Variants in CSMD1 observed in about 807,000 individuals in gnomAD.
CSMD1 encodes CUB and Sushi multiple domains 1, also known as CUB and sushi domain-containing protein 1.
Under a neutral mutation model 417.5 loss-of-function variants are expected in CSMD1, and 213 were observed. That is an observed-to-expected ratio of 0.51 (90% CI 0.46 to 0.57). The LOEUF (loss-of-function observed/expected upper bound fraction) is 0.57. Ranked by LOEUF, CSMD1 falls within the 20% of genes least tolerant of loss-of-function variation. CSMD1 has a pLI of 0.00. For synonymous variants in CSMD1, 2,862 were observed against 1,736.8 expected, an observed-to-expected ratio of 1.65 and a Z score of -16.11; for missense variants, 6,923 against 4,529.7, an observed-to-expected ratio of 1.53 and a Z score of -15.17.
intron 10 of CSMD1, among the ~76,000 whole-genome samples, chr8:3,538,040 C>T (rs142250838): frequency 4.6e-5 from 7 of 152,308 alleles, no homozygotes; most frequent in Non-Finnish European, 1.0e-4. Context: ...CCCTTTTATG[C>T]TAGATGTGCA....
intron 1 of CSMD1, among the ~76,000 whole-genome samples, chr8:4,856,500 T>C (rs1801808586): frequency 7.2e-6 from 1 of 139,478 alleles, no homozygotes; most frequent in South Asian, 2.2e-4. Context: ...CACCCATCAG[T>C]GTGCTGTATT....
intron 1 of CSMD1, among the ~76,000 whole-genome samples, chr8:4,919,872 C>T (rs1400620748): frequency 6.6e-6 from 1 of 152,094 alleles, no homozygotes; most frequent in Non-Finnish European, 1.5e-5. Context: ...GGAGAGCATT[C>T]CTTCCCTCCA....
chr8:3,272,079 C>T (rs1444122445), intron 26 of CSMD1, among the ~76,000 whole-genome samples: 1 of 148,682 alleles, frequency 6.7e-6, no homozygotes, highest in Non-Finnish European at 1.5e-5. Flanking sequence ...ATGTTTAAGT[C>T]TTTAATCCAT....
chr8:4,727,981 A>ATATATACAAAATATATATATGTATT (rs1809579204), intron 1 of CSMD1, among the ~76,000 whole-genome samples: 1 of 141,626 alleles, frequency 7.1e-6, no homozygotes, highest in Admixed American at 7.0e-5. Context: ...ATATATGTAT[A>ATATATACAAAATATATATATGTATT]TATATACAAA....
In CSMD1 at chr8:3,767,968, T is replaced by C. The variant is rs73498856; in HGVS notation, c.819-13926A>G. Reference sequence around the variant, plus strand: ...GTGAACATTACACGTCATGGGATGCTGAACTTTTAAATATTTCATATGTCT... The same window carrying C: ...GTGAACATTACACGTCATGGGATGCCGAACTTTTAAATATTTCATATGTCT... On this transcript the variant is annotated intron_variant, in intron 5 of 69. Transcript: ENST00000635120. Among the ~76,000 whole-genome samples the C allele has an allele frequency of 9.6e-3, 1,468 of 152,338 alleles. 25 individuals carry two copies. Among genetic ancestry groups the C allele is most frequent in the African/African-American group, 0.033 (1,375 of 41,568 alleles).
At chr8:4,372,962 G>T (rs902017565) in intron 3 of CSMD1, among the ~76,000 whole-genome samples, 2 of 152,200 alleles carry the variant, frequency 1.3e-5, no homozygotes, top group African/African-American at 2.4e-5. Context: ...GTGCAGTGTG[G>T]CAAGAGGAAA....
chr8:4,755,434 T>C (rs1483196127), intron 1 of CSMD1, among the ~76,000 whole-genome samples: 1 of 152,206 alleles, frequency 6.6e-6, no homozygotes, highest in African/African-American at 2.4e-5. Context: ...TTATTTACTA[T>C]CTTAATTTTT....
intron 12 of CSMD1, among the ~76,000 whole-genome samples, chr8:3,441,107 G>C (rs1814953891): frequency 6.6e-6 from 1 of 152,144 alleles, no homozygotes; most frequent in Non-Finnish European, 1.5e-5. Context: ...TATGAAGACA[G>C]AGGTAGGAGT....
intron 5 of CSMD1, among the ~76,000 whole-genome samples, chr8:3,987,496 T>G (rs1814422570): frequency 6.6e-6 from 1 of 152,198 alleles, no homozygotes; most frequent in Non-Finnish European, 1.5e-5. Context: ...TTTAATCTCC[T>G]TTTTAAAGTC....
At chr8:3,482,153 T>C (rs997390580) in intron 11 of CSMD1, among the ~76,000 whole-genome samples, 2 of 151,948 alleles carry the variant, frequency 1.3e-5, no homozygotes, top group African/African-American at 4.8e-5. Context: ...AAAGAAATAA[T>C]AAAATGCCAG....
At chr8:4,460,345 G>A (rs76037970) in intron 2 of CSMD1, among the ~76,000 whole-genome samples, 1 of 151,950 alleles carries the variant, frequency 6.6e-6, no homozygotes, top group Non-Finnish European at 1.5e-5. Context: ...ATTGCATAGA[G>A]GGAAATTTAG....
Position 4,261,918 on chromosome 8 carries a change from A to G in CSMD1, c.415+158035T>C, listed in dbSNP as rs11987316. On this transcript the variant is annotated intron_variant, in intron 3 of 69. Coordinates refer to ENST00000635120, the MANE Select transcript of CSMD1 (RefSeq NM_033225.6). ...TGTGGAACTTAATCCAAATATAAATAAATGCATGAATGATATGGCAATGTA... is the reference window on the plus strand; with the variant it reads ...TGTGGAACTTAATCCAAATATAAATGAATGCATGAATGATATGGCAATGTA... 9.7e-3 allele frequency among the ~76,000 whole-genome samples: 1,476 copies of G among 152,308 alleles called. 20 individuals are homozygous for G. The highest frequency in any genetic ancestry group is 0.034 in the African/African-American group (1,403 of 41,554).
chr8:4,803,933 G>A (rs561233810), intron 1 of CSMD1, among the ~76,000 whole-genome samples: 9 of 152,222 alleles, frequency 5.9e-5, no homozygotes, highest in African/African-American at 1.2e-4. Context: ...CCATAAATAC[G>A]ATGGGCATTC....
At chr8:3,395,859 T>A (rs1447454120) in intron 17 of CSMD1, among the ~76,000 whole-genome samples, 1 of 152,194 alleles carries the variant, frequency 6.6e-6, no homozygotes, top group East Asian at 1.9e-4. Flanking sequence ...TAATATATCC[T>A]ATAAGACTTT....
intron 5 of CSMD1, among the ~76,000 whole-genome samples, chr8:3,982,712 G>T (rs996238950): frequency 6.6e-6 from 1 of 152,086 alleles, no homozygotes; most frequent in Non-Finnish European, 1.5e-5. Flanking sequence ...AGGAGGCAGA[G>T]GGAAGCACCC....
chr8:4,727,768 C>G (rs1327542541), intron 1 of CSMD1, among the ~76,000 whole-genome samples: 2 of 151,702 alleles, frequency 1.3e-5, no homozygotes, highest in Admixed American at 6.6e-5. Context: ...AAGGGCTGCT[C>G]TCTGCTTCCA....
At chr8:3,373,039 T>G (rs1183567863) in intron 18 of CSMD1, among the ~76,000 whole-genome samples, 1 of 152,244 alleles carries the variant, frequency 6.6e-6, no homozygotes, top group Non-Finnish European at 1.5e-5. Flanking sequence ...ATCACCATAA[T>G]GAATGTAAAA....
intron 8 of CSMD1, 117 bp from the exon 9 acceptor site, chr8:3,586,377 G>C (rs1409116748): frequency 8.2e-6 from 8 of 973,934 alleles, no homozygotes; most frequent in African/African-American, 3.3e-5. Context: ...AACAGCCTAA[G>C]ACATTAAGCA....
chr8:4,914,008 G>A (rs151289111), intron 1 of CSMD1, among the ~76,000 whole-genome samples: 2 of 152,238 alleles, frequency 1.3e-5, no homozygotes, highest in South Asian at 4.1e-4. Context: ...CACATATAAG[G>A]TGTGATGCTG....
Sources: gnomAD v4.1 joint callset for allele counts (sites outside exome capture counted in the v4.1 genomes callset) on GRCh38, gnomAD v4.1.1 for gene constraint, MANE v1.5 for transcripts, NCBI Gene and HGNC (gene_info 2026-07-23, HGNC 2026-07-21) for gene names.